Variants in EBF1 observed in about 807,000 individuals in gnomAD.
EBF1 encodes transcription factor COE1.
Under a neutral mutation model 68.4 loss-of-function variants are expected in EBF1, and 10 were observed. That is an observed-to-expected ratio of 0.15 (90% CI 0.09 to 0.25). The LOEUF (loss-of-function observed/expected upper bound fraction) is 0.25. Among genes scored for constraint, EBF1 ranks in the 10% least tolerant of loss-of-function variants. The pLI is 1.00. For missense variants in EBF1, 509 were observed against 794.4 expected, an observed-to-expected ratio of 0.64 and a Z score of 4.32; for synonymous variants, 298 against 299.8, an observed-to-expected ratio of 0.99 and a Z score of 0.06.
intron 6 of EBF1, among the ~76,000 whole-genome samples, chr5:158,849,748 A>T (rs1043191093): frequency 6.6e-6 from 1 of 152,344 alleles, no homozygotes; most frequent in East Asian, 1.9e-4. Context: ...TCTTTCTTCT[A>T]TATTTTCTGA....
chr5:158,723,736 C>A (rs1057383155), intron 11 of EBF1, among the ~76,000 whole-genome samples: 1 of 152,028 alleles, frequency 6.6e-6, no homozygotes, highest in African/African-American at 2.4e-5. Context: ...GTTTCCTCAT[C>A]TCTAAATTGG....
chr5:158,802,799 C>G (rs1421415365), intron 8 of EBF1, among the ~76,000 whole-genome samples: 5 of 152,102 alleles, frequency 3.3e-5, no homozygotes, highest in Non-Finnish European at 5.9e-5. Flanking sequence ...CAGAAAATGC[C>G]TACTTGTGTT....
chr5:158,923,460 G>A (rs1299261575), intron 6 of EBF1, among the ~76,000 whole-genome samples: 2 of 151,982 alleles, frequency 1.3e-5, no homozygotes, highest in Non-Finnish European at 1.5e-5. Flanking sequence ...AAGAAATTTT[G>A]CCTTATTATG....
At chr5:158,806,227 G>C (rs565547854) in intron 8 of EBF1, among the ~76,000 whole-genome samples, 3 of 152,062 alleles carry the variant, frequency 2.0e-5, no homozygotes, top group Admixed American at 6.6e-5. Context: ...CTGACTACCA[G>C]GCACGGTGGA....
At chr5:158,784,699 GA>G (rs1185508320) in intron 9 of EBF1, among the ~76,000 whole-genome samples, 1 of 151,846 alleles carries the variant, frequency 6.6e-6, no homozygotes, top group Non-Finnish European at 1.5e-5. Flanking sequence ...TAAAAGTAAA[GA>G]AAAAAAGTCC....
At chr5:158,955,476 G>A (rs1462234061) in intron 6 of EBF1, among the ~76,000 whole-genome samples, 2 of 152,146 alleles carry the variant, frequency 1.3e-5, no homozygotes, top group Non-Finnish European at 2.9e-5. Context: ...TATCAACAAT[G>A]GCCATATCTC....
At chr5:159,066,589 T>C (rs1303144970) in intron 6 of EBF1, among the ~76,000 whole-genome samples, 2 of 151,734 alleles carry the variant, frequency 1.3e-5, no homozygotes, top group Non-Finnish European at 2.9e-5. Context: ...AAGATTTTTT[T>C]TTTTTGCATG....
intron 6 of EBF1, among the ~76,000 whole-genome samples, chr5:158,939,975 C>G (rs1247499184): frequency 6.6e-6 from 1 of 152,196 alleles, no homozygotes; most frequent in Non-Finnish European, 1.5e-5. Flanking sequence ...CTTATACCCT[C>G]TTACCACTCT....
At chr5:158,750,990 G>A (rs915231924) in intron 10 of EBF1, among the ~76,000 whole-genome samples, 2 of 152,032 alleles carry the variant, frequency 1.3e-5, no homozygotes, top group African/African-American at 4.8e-5. Context: ...CTATTAACAT[G>A]TTTATGAAGA....
At position 159,099,643 on chromosome 5, in the gene EBF1, A is replaced by G. The variant is rs1783279855; in HGVS notation, c.-165T>C. The G allele has an allele frequency of 1.1e-6, 1 of 944,526 alleles. No homozygotes were observed. The highest frequency in any genetic ancestry group is 3.8e-5 in the Admixed American group (1 of 26,296). 58.5% of individuals were successfully genotyped at this position (944,526 alleles called of 1,614,324 possible). On this transcript the variant is annotated 5_prime_UTR_variant, in exon 1 of 16. Transcript: ENST00000313708. ...ACTTAGAAGATCAAGGCGGGCTGGA[A>G]AGCAAATTTTTAAAAAATGTAAACC... is the stretch of plus-strand genomic sequence containing the variant.
intron 10 of EBF1, among the ~76,000 whole-genome samples, chr5:158,754,999 G>A (rs1346812059): frequency 6.6e-6 from 1 of 152,064 alleles, no homozygotes; most frequent in Non-Finnish European, 1.5e-5. Context: ...GGGGAGATAA[G>A]GTATTAAGAG....
At chr5:158,858,380 A>G (rs1794416920) in intron 6 of EBF1, among the ~76,000 whole-genome samples, 1 of 152,198 alleles carries the variant, frequency 6.6e-6, no homozygotes, top group African/African-American at 2.4e-5. Context: ...GTAAACACAC[A>G]CACACATGCA....
intron 6 of EBF1, among the ~76,000 whole-genome samples, chr5:158,977,592 T>A (rs1202361359): frequency 6.6e-6 from 1 of 152,178 alleles, no homozygotes; most frequent in African/African-American, 2.4e-5. Flanking sequence ...TTCAGAAACA[T>A]CAGCACAGTA....
intron 11 of EBF1, among the ~76,000 whole-genome samples, chr5:158,718,741 A>T (rs1160867830): frequency 6.6e-6 from 1 of 152,148 alleles, no homozygotes; most frequent in African/African-American, 2.4e-5. Flanking sequence ...ACACTGTTCT[A>T]TCAGAAATAA....
intron 4 of EBF1, among the ~76,000 whole-genome samples, chr5:159,088,515 G>A (rs960140719): frequency 2.0e-5 from 3 of 152,130 alleles, no homozygotes; most frequent in Admixed American, 1.3e-4. Context: ...GTGCCTCTGT[G>A]GTGTATGAGT....
intron 4 of EBF1, among the ~76,000 whole-genome samples, chr5:159,090,976 G>A (rs979501296): frequency 3.3e-5 from 5 of 152,144 alleles, no homozygotes; most frequent in African/African-American, 1.2e-4. Context: ...AAACATTGAT[G>A]TATTTTAATT....
chr5:158,734,366 A>T (rs1161278557), intron 10 of EBF1, among the ~76,000 whole-genome samples: 1 of 152,204 alleles, frequency 6.6e-6, no homozygotes, highest in Admixed American at 6.5e-5. Context: ...ATAAGAAACT[A>T]TGCTTTAAGA....
At position 158,714,824 on chromosome 5, in the gene EBF1, T is replaced by A. The variant is rs536812643; in HGVS notation, c.1126-642A>T. ...GCAGTATCTATTTCTTTAATAGCAATTATTTGCTATTTCAGTATTGTGTGA... is the reference window on the plus strand; with the variant it reads ...GCAGTATCTATTTCTTTAATAGCAAATATTTGCTATTTCAGTATTGTGTGA... On this transcript the variant is annotated intron_variant, in intron 11 of 15. Coordinates refer to ENST00000313708, the MANE Select transcript of EBF1 (RefSeq NM_024007.5). 9.9e-5 allele frequency among the ~76,000 whole-genome samples: 15 copies of A among 152,278 alleles called. No homozygotes were observed. In the East Asian group the frequency reaches 2.9e-3, roughly 29 times the overall value.
chr5:158,712,173 A>G lies in EBF1; in HGVS notation c.1530T>C (p.Ala510=), dbSNP rs1759510113. 6.2e-7 allele frequency: 1 copy of G among 1,613,908 alleles called. No individual in the cohort carries two copies. The highest frequency in any genetic ancestry group is 8.5e-7 in the Non-Finnish European group (1 of 1,179,934). ...GGSPTFLNGS[A]ANSPYAIVPS... The stretch of plus-strand genomic sequence containing the variant: ...ACTTACTGGCATAGGGGGAGTTGGC[A>G]GCTGAGCCGTTGAGGAAGGTGGGGG... The change falls in exon 14 of 16, where the codon GCT becomes GCC. Residue 510 remains alanine (A), a synonymous_variant. Coordinates refer to ENST00000313708, the MANE Select transcript of EBF1 (RefSeq NM_024007.5).
Sources: gnomAD v4.1 joint callset for allele counts (sites outside exome capture counted in the v4.1 genomes callset) on GRCh38, gnomAD v4.1.1 for gene constraint, MANE v1.5 for transcripts, NCBI Gene and HGNC (gene_info 2026-07-23, HGNC 2026-07-21) for gene names.